ADAM23: variants seen among roughly 807,000 people sequenced by gnomAD.
ADAM23 encodes the protein ADAM metallopeptidase domain 23.
In ADAM23, 33 loss-of-function variants were observed where a neutral mutation model predicts 120.1. That is an observed-to-expected ratio of 0.27 (90% confidence interval 0.21 to 0.37). ADAM23 has a LOEUF of 0.37. Among genes scored for constraint, ADAM23 ranks in the 10% least tolerant of loss-of-function variants. The pLI is 1.00. For missense variants in ADAM23, 862 were observed against 1,058.2 expected, an observed-to-expected ratio of 0.81 and a Z score of 2.57; for synonymous variants, 367 against 375.2, an observed-to-expected ratio of 0.98 and a Z score of 0.25.
chr2:206,545,719 C>T lies in ADAM23; in HGVS notation c.721-1710C>T, dbSNP rs367802665. 1.2e-4 allele frequency among the ~76,000 whole-genome samples: 18 copies of T among 152,250 alleles called. No individual in the cohort carries two copies. The East Asian group carries it at 1.7e-3, about 15-fold the overall frequency. Reference sequence around the variant, plus strand: ...ATTATCAGGTAATGAAGACAGCCCACTTAGATAAAGACATTTTGATTAAGT... The same window carrying T: ...ATTATCAGGTAATGAAGACAGCCCATTTAGATAAAGACATTTTGATTAAGT... On this transcript the variant is annotated intron_variant, in intron 6 of 25. Transcript: ENST00000264377.
intron 24 of ADAM23, among the ~76,000 whole-genome samples, chr2:206,596,384 G>A (rs746725492): frequency 2.6e-5 from 4 of 152,198 alleles, no homozygotes; most frequent in Non-Finnish European, 5.9e-5. Flanking sequence ...AGATTGGGAA[G>A]AAGTAAATAT....
chr2:206,571,668 G>T, intron 16 of ADAM23, 59 bp from the exon 17 acceptor site: 1 of 1,239,818 alleles, frequency 8.1e-7, no homozygotes, highest in South Asian at 1.2e-5. Context: ...CGTGTGGAGA[G>T]AATATGAATG....
chr2:206,481,956 G>A (rs1695907413), intron 3 of ADAM23, among the ~76,000 whole-genome samples: 1 of 152,302 alleles, frequency 6.6e-6, no homozygotes, highest in South Asian at 2.1e-4. Context: ...CTAGCAGTGA[G>A]CCTTTCTTTG....
At chr2:206,494,179 AATT>A (rs982455982) in intron 3 of ADAM23, among the ~76,000 whole-genome samples, 3 of 152,346 alleles carry the variant, frequency 2.0e-5, no homozygotes, top group African/African-American at 7.2e-5. Context: ...CAGTATAATT[AATT>A]ATAGTCACCA....
At chr2:206,487,381 C>A (rs955068776) in intron 3 of ADAM23, among the ~76,000 whole-genome samples, 1 of 151,828 alleles carries the variant, frequency 6.6e-6, no homozygotes, top group Admixed American at 6.6e-5. Context: ...TCTTCAAAGT[C>A]GGCTGAAGAA....
At chr2:206,492,833 A>G (rs1384809731) in intron 3 of ADAM23, among the ~76,000 whole-genome samples, 1 of 152,158 alleles carries the variant, frequency 6.6e-6, no homozygotes. Flanking sequence ...GGACCTATAC[A>G]TTCAAACCAT....
chr2:206,445,643 A>C, intron 2 of ADAM23, 119 bp downstream of exon 2: 1 of 830,660 alleles, frequency 1.2e-6, no homozygotes, highest in Non-Finnish European at 1.9e-6. Flanking sequence ...GAAAGCAATT[A>C]ATATTATGAT....
chr2:206,566,646 A>G (rs1037124041), intron 14 of ADAM23, among the ~76,000 whole-genome samples: 1 of 152,300 alleles, frequency 6.6e-6, no homozygotes, highest in Admixed American at 6.5e-5. Flanking sequence ...AGCGTACCCC[A>G]ATTCTATTGT....
chr2:206,557,099 G>GA (rs1416716574), intron 9 of ADAM23, among the ~76,000 whole-genome samples: 3 of 148,268 alleles, frequency 2.0e-5, no homozygotes, highest in Non-Finnish European at 4.5e-5. Context: ...GTTTTTTTTT[G>GA]AAAAAAATTT....
intron 2 of ADAM23, among the ~76,000 whole-genome samples, chr2:206,455,763 C>T (rs1695285235): frequency 6.6e-6 from 1 of 152,168 alleles, no homozygotes; most frequent in Admixed American, 6.5e-5. Context: ...GGGCACAGTG[C>T]CTCCAGACTC....
At chr2:206,477,890 AAAAAAAAATATATAT>A (rs1426038157) in intron 2 of ADAM23, among the ~76,000 whole-genome samples, 3 of 119,680 alleles carry the variant, frequency 2.5e-5, no homozygotes, top group Admixed American at 9.7e-5. Flanking sequence ...TAAAAAAAAA[AAAAAAAAATATATAT>A]ATATATATAT....
intron 24 of ADAM23, chr2:206,607,900 C>G: frequency 5.0e-6 from 2 of 403,928 alleles, no homozygotes; most frequent in South Asian, 1.8e-5. Context: ...TTTAATTTCT[C>G]CTTAGTTTAT....
At chr2:206,583,326 C>T (rs1407912826) in intron 18 of ADAM23, among the ~76,000 whole-genome samples, 2 of 152,052 alleles carry the variant, frequency 1.3e-5, no homozygotes, top group East Asian at 3.9e-4. Flanking sequence ...TGGTAACGAG[C>T]GCCTATAGTC....
At chr2:206,467,124 GA>G in intron 2 of ADAM23, among the ~76,000 whole-genome samples, 1 of 152,138 alleles carries the variant, frequency 6.6e-6, no homozygotes, top group East Asian at 1.9e-4. Flanking sequence ...TTTGGGTGGG[GA>G]CACAGATCCA....
At chr2:206,588,966 A>G (rs2105846459) in intron 20 of ADAM23, among the ~76,000 whole-genome samples, 1 of 151,906 alleles carries the variant, frequency 6.6e-6, no homozygotes, top group Non-Finnish European at 1.5e-5. Context: ...GTGCCAACAT[A>G]AAATCTCAAT....
chr2:206,588,432 G>A (rs1208375461), intron 20 of ADAM23, among the ~76,000 whole-genome samples: 5 of 152,230 alleles, frequency 3.3e-5, no homozygotes, highest in African/African-American at 4.8e-5. Flanking sequence ...GTTGAGTACA[G>A]TGTGATTATC....
chr2:206,548,362 T>C lies in ADAM23; in HGVS notation c.867+8T>C. 1 of 1,606,828 alleles carries C rather than the reference T, an allele frequency of 6.2e-7. No individual in the cohort carries two copies. Among genetic ancestry groups the C allele is most frequent in the South Asian group, 1.1e-5 (1 of 91,066 alleles). ...AGGAAGAGAGCAGTGAATGTGAGTG[T>C]GGCATTGAGCCTTGGGTGGGCCTAT... is the stretch of plus-strand genomic sequence containing the variant. On this transcript the variant is annotated splice_region_variant and intron_variant, in intron 8 of 25. Coordinates refer to ENST00000264377, the MANE Select transcript of ADAM23 (RefSeq NM_003812.4).
Position 206,620,853 on chromosome 2 carries a change from A to T in ADAM23, c.*3226A>T, listed in dbSNP as rs1389431763. The T allele has an allele frequency of 6.6e-6, 1 of 152,208 alleles. No homozygotes were observed. Among genetic ancestry groups the T allele is most frequent in the Non-Finnish European group, 1.5e-5 (1 of 68,026 alleles). The allele number at this position is 152,208 out of a possible 1,614,324, so 9.4% of individuals were successfully genotyped here. A position where few individuals can be genotyped will look rare whatever the true frequency, so the allele number is the denominator to read the frequency against. ...TGTTTTTTACTATGCAAAGATGGGA[A>T]ATGCACAAACTTTTCAAAGACTAGT... On this transcript the variant is annotated 3_prime_UTR_variant, in exon 26 of 26. Transcript: ENST00000264377.
Position 206,617,653 on chromosome 2 carries a change from C to G in ADAM23, c.*26C>G. Reference sequence around the variant, plus strand: ...ATCAGCTGCGCTGGATGGACACCGCCTTGCACTGTTGGATTCTGGGTATGA... The same window carrying G: ...ATCAGCTGCGCTGGATGGACACCGCGTTGCACTGTTGGATTCTGGGTATGA... On this transcript the variant is annotated 3_prime_UTR_variant, in exon 26 of 26. Transcript: ENST00000264377. 6.2e-7 allele frequency: 1 copy of G among 1,613,000 alleles called. No individual in the cohort carries two copies. The highest frequency in any genetic ancestry group is 8.5e-7 in the Non-Finnish European group (1 of 1,179,538).
Sources: gnomAD v4.1 joint callset for allele counts (sites outside exome capture counted in the v4.1 genomes callset) on GRCh38, gnomAD v4.1.1 for gene constraint, MANE v1.5 for transcripts, NCBI Gene and HGNC (gene_info 2026-07-23, HGNC 2026-07-21) for gene names.